SLC22A9: variants seen among roughly 807,000 people sequenced by gnomAD.
SLC22A9 encodes organic anion transporter 7.
In SLC22A9, 64 loss-of-function variants were observed where a neutral mutation model predicts 50.1. The ratio of observed to expected loss-of-function variants is 1.28; its 90% CI spans 1.04 to 1.57. SLC22A9 has a LOEUF of 1.57. Among genes scored for constraint, SLC22A9 ranks in the 40% most tolerant of loss-of-function variants. The pLI, the probability that SLC22A9 is intolerant of heterozygous loss-of-function variation, is 0.00. For synonymous variants in SLC22A9, 261 were observed against 242.5 expected (o/e 1.08, Z -0.71); for missense variants, 757 against 676.1 (o/e 1.12, Z -1.33).
chr11:63,379,186 A>C (rs1218978785), intron 5 of SLC22A9, among the ~76,000 whole-genome samples: 1 of 152,210 alleles, frequency 6.6e-6, no homozygotes, highest in Non-Finnish European at 1.5e-5. Context: ...AGACCAATAG[A>C]ATAGGCTAGA....
In SLC22A9 at chr11:63,409,979, G is replaced by A. The variant is rs979129470; in HGVS notation, c.*117G>A. ...AACAAGGCTGGGTGCGGTGGCTCAC[G>A]CCTGTAATCCCAGCACCTTGGGAGG... On this transcript the variant is annotated 3_prime_UTR_variant, in exon 10 of 10. Transcript: ENST00000279178. 1.0e-4 allele frequency: 113 copies of A among 1,135,224 alleles called. No homozygotes were observed. Among genetic ancestry groups the A allele is most frequent in the South Asian group, 3.7e-4 (27 of 73,842 alleles). 70.3% of individuals were successfully genotyped at this position (1,135,224 alleles called of 1,614,324 possible). A position where few individuals can be genotyped will look rare whatever the true frequency, so the allele number is the denominator to read the frequency against.
In SLC22A9 at chr11:63,406,603, A is replaced by C; in HGVS notation, c.1180A>C (p.Asn394His). 1 of 1,613,860 alleles carries C rather than the reference A, an allele frequency of 6.2e-7. No homozygotes were observed. The highest frequency in any genetic ancestry group is 8.5e-7 in the Non-Finnish European group (1 of 1,179,866). ...CTTTGGTGCAGTCATCCTCCTGGCC[A>C]ACTGTGTTGCACCTTGGGCACTGAA... is the stretch of plus-strand genomic sequence containing the variant. ...TLFGAVILLA[N>H]CVAPWALKYM... Residue 394 changes from asparagine (N) to histidine (H), a missense_variant, in exon 7 of 10, where the codon AAC becomes CAC. Coordinates refer to ENST00000279178, the MANE Select transcript of SLC22A9 (RefSeq NM_080866.3).
In SLC22A9 at chr11:63,399,758, A is replaced by G. The variant is rs528522114; in HGVS notation, c.1074-6739A>G. On this transcript the variant is annotated intron_variant, in intron 6 of 9. Coordinates refer to ENST00000279178, the MANE Select transcript of SLC22A9 (RefSeq NM_080866.3). ...ATGCAGGATGTACATTCTTCCCATC[A>G]GCACATGCAGCATTCTTTAGATAGA... 3.9e-5 allele frequency among the ~76,000 whole-genome samples: 6 copies of G among 152,278 alleles called. No individual in the cohort carries two copies. The East Asian group carries it at 9.6e-4, about 24-fold the overall frequency.
intron 6 of SLC22A9, among the ~76,000 whole-genome samples, chr11:63,398,895 C>A (rs1183294921): frequency 6.6e-6 from 1 of 152,146 alleles, no homozygotes; most frequent in South Asian, 2.1e-4. Context: ...TTCTACTCAG[C>A]CATCTTGCTC....
intron 6 of SLC22A9, among the ~76,000 whole-genome samples, chr11:63,397,630 C>T (rs1446324670): frequency 1.3e-5 from 2 of 152,072 alleles, no homozygotes; most frequent in Non-Finnish European, 2.9e-5. Context: ...CCCTTTTCCA[C>T]AAGCAGAGGA....
intron 2 of SLC22A9, 59 bp downstream of exon 2, chr11:63,371,297 T>A: frequency 5.4e-6 from 7 of 1,287,188 alleles, no homozygotes; most frequent in Non-Finnish European, 6.7e-6. Context: ...TTATGAAACA[T>A]TATTTCATCT....
intron 6 of SLC22A9, among the ~76,000 whole-genome samples, chr11:63,405,537 A>C (rs1446949921): frequency 6.6e-6 from 1 of 152,238 alleles, no homozygotes; most frequent in African/African-American, 2.4e-5. Flanking sequence ...TATGCCATTA[A>C]ACATAAGTAA....
rs1460351976 is a variant in SLC22A9 at position 63,370,263 on chromosome 11, A to G, written c.207A>G (p.Gln69=). 5 of 1,613,942 alleles carry G rather than the reference A, an allele frequency of 3.1e-6. No individual in the cohort carries two copies. Among genetic ancestry groups the G allele is most frequent in the Non-Finnish European group, 4.2e-6 (5 of 1,179,948 alleles). Residue 69 remains glutamine (Q), a synonymous_variant, in exon 1 of 10, where the codon CAA becomes CAG. Coordinates refer to ENST00000279178, the MANE Select transcript of SLC22A9 (RefSeq NM_080866.3). ...VSDNDTGALS[Q]DALLRISIPL... is the part of the protein sequence containing the mutation. ...ACAATGACACTGGGGCCCTCAGCCA[A>G]GATGCACTCTTGAGAATCTCCATCC...
intron 1 of SLC22A9, among the ~76,000 whole-genome samples, 173 bp downstream of exon 1, chr11:63,370,631 A>G (rs751619602): frequency 1.3e-5 from 2 of 152,208 alleles, no homozygotes; most frequent in Non-Finnish European, 2.9e-5. Flanking sequence ...TTGAGTAATG[A>G]ATTCCAAAGT....
chr11:63,398,856 G>A (rs1203902670), intron 6 of SLC22A9, among the ~76,000 whole-genome samples: 1 of 152,138 alleles, frequency 6.6e-6, no homozygotes, highest in African/African-American at 2.4e-5. Context: ...TAAATTTTCT[G>A]TTTCTGTGGG....
intron 2 of SLC22A9, among the ~76,000 whole-genome samples, chr11:63,371,914 G>T (rs1448947875): frequency 2.6e-5 from 4 of 152,134 alleles, no homozygotes; most frequent in Non-Finnish European, 4.4e-5. Context: ...CCCTGATGGC[G>T]ATGAGGGACT....
intron 6 of SLC22A9, among the ~76,000 whole-genome samples, chr11:63,402,375 C>G (rs1175679459): frequency 1.3e-5 from 2 of 152,032 alleles, no homozygotes; most frequent in Non-Finnish European, 2.9e-5. Flanking sequence ...GGAGTCTTTC[C>G]CCATTGCTTG....
intron 6 of SLC22A9, among the ~76,000 whole-genome samples, chr11:63,388,526 C>G (rs1300052165): frequency 6.6e-6 from 1 of 151,950 alleles, no homozygotes; most frequent in East Asian, 1.9e-4. Context: ...ATAAATTCCC[C>G]TTAGTAATAA....
rs575194135 is a variant in SLC22A9, at chr11:63,371,670, G to A, written c.506+432G>A. ...TCATAGTTCCAAGTGTGATGAACAC[G>A]CATTCCTCTAAAACCTGTAGGGTAT... On this transcript the variant is annotated intron_variant, in intron 2 of 9. Coordinates refer to ENST00000279178, the MANE Select transcript of SLC22A9 (RefSeq NM_080866.3). Among the ~76,000 whole-genome samples, 44 of 152,294 alleles carry A rather than the reference G, an allele frequency of 2.9e-4. 1 individual carries two copies. In the South Asian group the frequency reaches 7.5e-3, roughly 26 times the overall value.
Position 63,373,992 on chromosome 11 carries a change from G to A in SLC22A9, c.760G>A (p.Ala254Thr). ...AFMTLAGLAF[A>T]IRDWHILQLV... ...TATGACCCTGGCAGGCCTGGCTTTT[G>A]CCATTCGAGACTGGCATATCCTCCA... Residue 254 changes from alanine (A) to threonine (T), a missense_variant, in exon 4 of 10, where the codon GCC becomes ACC. By Grantham distance (58) the Ala-to-Thr change is moderately conservative (BLOSUM62 0). Transcript: ENST00000279178. The A allele has an allele frequency of 6.2e-7, 1 of 1,613,574 alleles. No homozygotes were observed. The highest frequency in any genetic ancestry group is 8.5e-7 in the Non-Finnish European group (1 of 1,179,750).
At position 63,382,287 on chromosome 11, in the gene SLC22A9, A is replaced by T; in HGVS notation, c.1073+10A>T. Reference sequence around the variant, plus strand: ...TCCTGTCCTTTACGAGGTAAGCTTCATGCAGTGTTTGAGGGTAAGTTACAG... The same window carrying T: ...TCCTGTCCTTTACGAGGTAAGCTTCTTGCAGTGTTTGAGGGTAAGTTACAG... On this transcript the variant is annotated intron_variant, in intron 6 of 9. Coordinates refer to ENST00000279178, the MANE Select transcript of SLC22A9 (RefSeq NM_080866.3). 1 of 1,590,776 alleles carries T rather than the reference A, an allele frequency of 6.3e-7. No individual in the cohort carries two copies. The highest frequency in any genetic ancestry group is 8.6e-7 in the Non-Finnish European group (1 of 1,167,850).
chr11:63,384,541 T>C (rs1250289719), intron 6 of SLC22A9, among the ~76,000 whole-genome samples: 2 of 152,232 alleles, frequency 1.3e-5, no homozygotes, highest in Non-Finnish European at 2.9e-5. Context: ...CAGTCTATCA[T>C]TGATGGGCAT....
intron 5 of SLC22A9, among the ~76,000 whole-genome samples, chr11:63,376,752 G>C (rs1190941078): frequency 2.0e-5 from 3 of 151,310 alleles, no homozygotes; most frequent in African/African-American, 7.3e-5. Context: ...GACACAGAGT[G>C]ACAAGTTGGA....
At chr11:63,409,708 A>G in intron 9 of SLC22A9, 94 bp from the exon 10 acceptor site, 1 of 1,286,464 alleles carries the variant, frequency 7.8e-7, no homozygotes, top group South Asian at 1.3e-5. Context: ...ATGGACAAAG[A>G]ATCAACATTC....
Sources: allele counts gnomAD v4.1 joint callset (sites outside exome capture counted in the v4.1 genomes callset), GRCh38; gene constraint gnomAD v4.1.1; transcripts MANE v1.5; gene names NCBI Gene and HGNC (gene_info 2026-07-23, HGNC 2026-07-21).